FBXO28: variants seen among roughly 807,000 people sequenced by gnomAD.
FBXO28 encodes the protein F-box protein 28.
Under a neutral mutation model 38.1 loss-of-function variants are expected in FBXO28, and 8 were observed. That is an observed-to-expected ratio of 0.21 (90% confidence interval 0.12 to 0.38). FBXO28 has a LOEUF of 0.38. FBXO28 is among the 10% of genes least tolerant of loss of function. The pLI is 1.00. For missense variants in FBXO28, 345 were observed against 460.6 expected, an observed-to-expected ratio of 0.75 and a Z score of 2.30; for synonymous variants, 168 against 173.8, an observed-to-expected ratio of 0.97 and a Z score of 0.26.
At chr1:224,132,150 G>C (rs1444973094) in intron 2 of FBXO28, among the ~76,000 whole-genome samples, 9 of 152,152 alleles carry the variant, frequency 5.9e-5, no homozygotes, top group Non-Finnish European at 1.3e-4. Context: ...CTACTCAGGA[G>C]GCTTAGGCAG....
intron 4 of FBXO28, 40 bp downstream of exon 4, chr1:224,153,377 A>G (rs1657692102): frequency 6.8e-7 from 1 of 1,467,366 alleles, no homozygotes; most frequent in East Asian, 2.4e-5. Context: ...ATAATTTTGT[A>G]ACTTGCTTCC....
chr1:224,115,770 G>A lies in FBXO28; in HGVS notation c.267+1374G>A, dbSNP rs1285401395. On this transcript the variant is annotated intron_variant, in intron 1 of 4. Transcript: ENST00000366862. ...TCGCGCTGTACATATACAGTGTTTG[G>A]AAAATTGGGCATATAACATTTGATT... Among the ~76,000 whole-genome samples, 3 of 152,260 alleles carry A rather than the reference G, an allele frequency of 2.0e-5. 1 individual carries two copies. In the East Asian group the frequency reaches 5.8e-4, roughly 29 times the overall value.
intron 1 of FBXO28, among the ~76,000 whole-genome samples, chr1:224,127,900 G>A (rs1429865883): frequency 6.6e-6 from 1 of 152,152 alleles, no homozygotes; most frequent in African/African-American, 2.4e-5. Context: ...GCGAAACTCT[G>A]TCTGAAAACA....
At chr1:224,125,292 T>C (rs949266419) in intron 1 of FBXO28, among the ~76,000 whole-genome samples, 1 of 152,124 alleles carries the variant, frequency 6.6e-6, no homozygotes, top group East Asian at 1.9e-4. Context: ...CTGGCTATGC[T>C]TAAAATCTTT....
At chr1:224,155,059 T>C (rs894419678) in intron 4 of FBXO28, among the ~76,000 whole-genome samples, 8 of 152,152 alleles carry the variant, frequency 5.3e-5, no homozygotes, top group Admixed American at 2.6e-4. Flanking sequence ...TGAATTAATA[T>C]TCATTTTTTA....
chr1:224,152,554 A>T (rs1657671338), intron 3 of FBXO28, among the ~76,000 whole-genome samples: 3 of 152,198 alleles, frequency 2.0e-5, no homozygotes, highest in African/African-American at 7.2e-5. Context: ...CTTCAGGGTT[A>T]GAAGCTTTAT....
chr1:224,134,465 T>G (rs915940821), intron 3 of FBXO28: 3 of 281,516 alleles, frequency 1.1e-5, no homozygotes, highest in Non-Finnish European at 1.3e-5. Flanking sequence ...TACTCAAGAA[T>G]AAAATTTGAG....
At chr1:224,115,756 A>T (rs539561527) in intron 1 of FBXO28, among the ~76,000 whole-genome samples, 1 of 152,232 alleles carries the variant, frequency 6.6e-6, no homozygotes. Context: ...CGCGCTGTAC[A>T]TATACAGTGT....
chr1:224,150,439 A>C (rs922960184), intron 3 of FBXO28, among the ~76,000 whole-genome samples: 2 of 151,796 alleles, frequency 1.3e-5, no homozygotes, highest in African/African-American at 4.9e-5. Flanking sequence ...AATATCAGTC[A>C]GTATGAAGGA....
At chr1:224,132,841 A>G (rs941316729) in intron 2 of FBXO28, among the ~76,000 whole-genome samples, 2 of 152,116 alleles carry the variant, frequency 1.3e-5, no homozygotes, top group African/African-American at 4.8e-5. Flanking sequence ...GCTGTTCTCA[A>G]AAAGTTAAAC....
At chr1:224,142,050 T>TCG (rs1657369032) in intron 3 of FBXO28, among the ~76,000 whole-genome samples, 1 of 151,330 alleles carries the variant, frequency 6.6e-6, no homozygotes, top group Non-Finnish European at 1.5e-5. Flanking sequence ...TTAAATTTTT[T>TCG]TTTTTTTTTT....
At chr1:224,152,329 A>AG (rs1657667060) in intron 3 of FBXO28, among the ~76,000 whole-genome samples, 4 of 152,224 alleles carry the variant, frequency 2.6e-5, no homozygotes, top group African/African-American at 7.2e-5. Flanking sequence ...GGGCAGTATT[A>AG]AAAAGAGCAG....
In FBXO28 at chr1:224,139,902, G is replaced by T. The variant is rs73124475; in HGVS notation, c.516+5690G>T. On this transcript the variant is annotated intron_variant, in intron 3 of 4. Coordinates refer to ENST00000366862, the MANE Select transcript of FBXO28 (RefSeq NM_015176.4). ...CCGCCAGGAGTTCGAGACCAACCTG[G>T]GCTGCAAAGTAAGACCCCCGTCTCT... is the stretch of plus-strand genomic sequence containing the variant. Among the ~76,000 whole-genome samples the T allele has an allele frequency of 6.9e-3, 1,056 of 152,068 alleles. 13 individuals carry two copies. Among genetic ancestry groups the T allele is most frequent in the African/African-American group, 0.024 (1,000 of 41,478 alleles).
At chr1:224,143,713 G>A (rs765724772) in intron 3 of FBXO28, among the ~76,000 whole-genome samples, 4 of 151,946 alleles carry the variant, frequency 2.6e-5, no homozygotes, top group Admixed American at 6.6e-5. Flanking sequence ...GCGGGCACCT[G>A]TAGTCCCAGC....
intron 1 of FBXO28, among the ~76,000 whole-genome samples, chr1:224,117,985 TTTAA>T (rs142354323): frequency 2.1e-3 from 213 of 100,206 alleles, no homozygotes; most frequent in Non-Finnish European, 3.5e-3. Flanking sequence ...TAGGGAGCTT[TTTAA>T]TTAATTAATT....
At chr1:224,134,754 A>T (rs1228396690) in intron 3 of FBXO28, among the ~76,000 whole-genome samples, 1 of 152,286 alleles carries the variant, frequency 6.6e-6, no homozygotes, top group East Asian at 1.9e-4. Context: ...GTTAATAAAA[A>T]CTCCAACATT....
intron 1 of FBXO28, among the ~76,000 whole-genome samples, chr1:224,115,267 A>G (rs974044100): frequency 6.6e-6 from 1 of 152,160 alleles, no homozygotes; most frequent in Non-Finnish European, 1.5e-5. Context: ...TCAGTTAGAT[A>G]TTTTGCTGCC....
At chr1:224,121,700 T>G (rs897436427) in intron 1 of FBXO28, among the ~76,000 whole-genome samples, 1 of 151,670 alleles carries the variant, frequency 6.6e-6, no homozygotes, top group Non-Finnish European at 1.5e-5. Context: ...AAGGCTGGAG[T>G]GCAGTGGTGC....
At chr1:224,120,057 A>G (rs530293214) in intron 1 of FBXO28, among the ~76,000 whole-genome samples, 1 of 152,234 alleles carries the variant, frequency 6.6e-6, no homozygotes, top group African/African-American at 2.4e-5. Context: ...AAAAGACACC[A>G]GATATATCTG....
Sources: allele counts gnomAD v4.1 joint callset (sites outside exome capture counted in the v4.1 genomes callset), GRCh38; gene constraint gnomAD v4.1.1; transcripts MANE v1.5; gene names NCBI Gene and HGNC (gene_info 2026-07-23, HGNC 2026-07-21).